Variants in RORA observed in about 807,000 individuals in gnomAD.
The protein encoded by RORA is nuclear receptor ROR-alpha.
Under a neutral mutation model 69.5 loss-of-function variants are expected in RORA, and 7 were observed. That is an observed-to-expected ratio of 0.10 (90% CI 0.06 to 0.19). The LOEUF (loss-of-function observed/expected upper bound fraction) is 0.19. Among genes scored for constraint, RORA ranks in the 10% least tolerant of loss-of-function variants. RORA has a pLI of 1.00. For missense variants in RORA, 457 were observed against 663.0 expected (o/e 0.69, Z 3.41); for synonymous variants, 261 against 240.8 (o/e 1.08, Z -0.78).
chr15:60,783,060 C>T (rs1413478836), intron 1 of RORA, among the ~76,000 whole-genome samples: 1 of 152,178 alleles, frequency 6.6e-6, no homozygotes, highest in Non-Finnish European at 1.5e-5. Flanking sequence ...TAATCACAGA[C>T]ATACACACAA....
intron 1 of RORA, among the ~76,000 whole-genome samples, chr15:61,120,515 C>A (rs916535131): frequency 1.5e-4 from 23 of 151,824 alleles, no homozygotes; most frequent in Admixed American, 1.5e-3. Context: ...CTGGCTAACA[C>A]GATGAAACCC....
In RORA at chr15:60,502,868, C is replaced by G; in HGVS notation, c.1076-1G>C. Reference sequence around the variant, plus strand: ...CTGATAAACACCACCTCTAGAGAACCTAAGCAGAGGCAGAAATGGTTTGGG... The same window carrying G: ...CTGATAAACACCACCTCTAGAGAACGTAAGCAGAGGCAGAAATGGTTTGGG... On this transcript the variant is annotated splice_acceptor_variant, in intron 7 of 10. Transcript: ENST00000335670. LOFTEE classifies it high-confidence loss of function. 1 of 1,603,262 alleles carries G rather than the reference C, an allele frequency of 6.2e-7. No individual in the cohort carries two copies. The highest frequency in any genetic ancestry group is 8.5e-7 in the Non-Finnish European group (1 of 1,170,146).
intron 1 of RORA, among the ~76,000 whole-genome samples, chr15:60,877,933 A>C (rs1206511736): frequency 6.6e-6 from 1 of 152,140 alleles, no homozygotes; most frequent in African/African-American, 2.4e-5. Context: ...AGGCAAACTA[A>C]CTGTATATAA....
At position 60,492,072 on chromosome 15, in the gene RORA, G is replaced by T. The variant is rs2065051190; in HGVS notation, c.*5383C>A. On this transcript the variant is annotated 3_prime_UTR_variant, in exon 11 of 11. Transcript: ENST00000335670. The stretch of plus-strand genomic sequence containing the variant: ...TATACAAATACACATAGAGAGGAGA[G>T]ATTTCTACCATTTTCCATATTCTTT... 4.6e-5 allele frequency: 7 copies of T among 151,944 alleles called. No individual in the cohort carries two copies. The highest frequency in any genetic ancestry group is 4.6e-4 in the Admixed American group (7 of 15,262). The allele number at this position is 151,944 out of a possible 1,614,324, so 9.4% of individuals were successfully genotyped here.
At chr15:60,538,224 A>G (rs1211246727) in intron 2 of RORA, among the ~76,000 whole-genome samples, 3 of 152,158 alleles carry the variant, frequency 2.0e-5, no homozygotes, top group Non-Finnish European at 2.9e-5. Context: ...CCAAAAAGAA[A>G]GCACTGGGAG....
chr15:60,595,234 C>T (rs895665524), intron 2 of RORA, among the ~76,000 whole-genome samples: 4 of 151,976 alleles, frequency 2.6e-5, no homozygotes, highest in African/African-American at 7.3e-5. Context: ...ATGTAAAAGC[C>T]GGGCATGGTG....
intron 1 of RORA, among the ~76,000 whole-genome samples, chr15:60,851,043 A>G (rs1445354213): frequency 2.6e-5 from 4 of 152,194 alleles, no homozygotes; most frequent in Admixed American, 2.6e-4. Flanking sequence ...GATGCAGTAC[A>G]AACAAAAGTG....
chr15:60,738,978 A>T (rs1270749505), intron 1 of RORA, among the ~76,000 whole-genome samples: 1 of 152,198 alleles, frequency 6.6e-6, no homozygotes, highest in Non-Finnish European at 1.5e-5. Context: ...GACACCAGTC[A>T]TGTCCGATTA....
intron 3 of RORA, chr15:60,530,822 T>G (rs891667270): frequency 9.9e-5 from 15 of 152,230 alleles, no homozygotes; most frequent in Non-Finnish European, 2.1e-4. Flanking sequence ...TCAGGCCTGG[T>G]TGTAGCAATC....
intron 1 of RORA, among the ~76,000 whole-genome samples, chr15:61,075,666 G>A (rs12915830): frequency 0.36 from 55,488 of 152,044 alleles, 11,020 homozygotes; most frequent in Middle Eastern, 0.46. Context: ...GTCCATCTGA[G>A]TCTAATGAGG....
chr15:60,854,500 T>C (rs1189664859), intron 1 of RORA, among the ~76,000 whole-genome samples: 1 of 152,110 alleles, frequency 6.6e-6, no homozygotes. Flanking sequence ...AAATGCTACA[T>C]GCAGAACTAT....
intron 1 of RORA, among the ~76,000 whole-genome samples, chr15:61,099,225 T>C (rs1403467520): frequency 6.6e-6 from 1 of 152,246 alleles, no homozygotes; most frequent in African/African-American, 2.4e-5. Flanking sequence ...TTTACTCAGA[T>C]TGGAATGGGA....
At chr15:61,104,055 G>A (rs1461888491) in intron 1 of RORA, among the ~76,000 whole-genome samples, 1 of 152,180 alleles carries the variant, frequency 6.6e-6, no homozygotes, top group Non-Finnish European at 1.5e-5. Context: ...AGATAAACAA[G>A]GCTGCATTTG....
intron 2 of RORA, among the ~76,000 whole-genome samples, chr15:60,658,173 T>G (rs1289083195): frequency 2.6e-5 from 4 of 152,024 alleles, no homozygotes; most frequent in African/African-American, 9.7e-5. Context: ...CTCTGCCTCC[T>G]GGGTTCCAGT....
intron 1 of RORA, among the ~76,000 whole-genome samples, chr15:61,206,735 G>A (rs2079945221): frequency 6.6e-6 from 1 of 152,144 alleles, no homozygotes; most frequent in African/African-American, 2.4e-5. Context: ...CTCCAGCCCG[G>A]CAGCACACAG....
intron 1 of RORA, among the ~76,000 whole-genome samples, chr15:61,033,344 T>C (rs1012858742): frequency 3.9e-5 from 6 of 151,986 alleles, no homozygotes; most frequent in Non-Finnish European, 5.9e-5. Flanking sequence ...TCCCCAACAA[T>C]GCTTCCAGTT....
intron 1 of RORA, among the ~76,000 whole-genome samples, chr15:60,970,292 G>T (rs890829937): frequency 1.3e-5 from 2 of 152,214 alleles, no homozygotes; most frequent in African/African-American, 2.4e-5. Context: ...TACTCAGCAT[G>T]CTCTCTGGTT....
intron 1 of RORA, among the ~76,000 whole-genome samples, chr15:60,740,259 C>G (rs1035007707): frequency 6.6e-6 from 1 of 151,038 alleles, no homozygotes; most frequent in Non-Finnish European, 1.5e-5. Context: ...TCGTTACCCC[C>G]CGCACTTCAG....
intron 1 of RORA, among the ~76,000 whole-genome samples, chr15:60,978,826 T>C (rs1358316470): frequency 6.6e-6 from 1 of 152,184 alleles, no homozygotes; most frequent in African/African-American, 2.4e-5. Flanking sequence ...CATACATGTA[T>C]GTATTTCTGT....
Sources: allele counts gnomAD v4.1 joint callset (sites outside exome capture counted in the v4.1 genomes callset), GRCh38; gene constraint gnomAD v4.1.1; transcripts MANE v1.5; gene names NCBI Gene and HGNC (gene_info 2026-07-23, HGNC 2026-07-21).